The following ESRRG variants were observed in gnomAD, a reference collection of about 807,000 sequenced individuals.
ESRRG encodes estrogen related receptor gamma.
ESRRG carries 13 observed loss-of-function variants against 44.0 expected under a neutral mutation model. The ratio of observed to expected loss-of-function variants is 0.30; its 90% confidence interval spans 0.19 to 0.47. The LOEUF is 0.47. ESRRG is among the 20% of genes least tolerant of loss of function. The pLI is 1.00. For synonymous variants in ESRRG, 215 were observed against 214.6 expected, an observed-to-expected ratio of 1.00 and a Z score of -0.02; for missense variants, 395 against 580.6, an observed-to-expected ratio of 0.68 and a Z score of 3.29.
intron 2 of ESRRG, among the ~76,000 whole-genome samples, chr1:216,672,204 C>T (rs963132529): frequency 4.6e-5 from 7 of 152,180 alleles, no homozygotes; most frequent in African/African-American, 1.7e-4. Flanking sequence ...CACTGTAACC[C>T]TATTGGATGA....
At chr1:217,081,221 C>CTTTTTTT (rs143325476) in intron 1 of ESRRG, among the ~76,000 whole-genome samples, 2,415 of 70,406 alleles carry the variant, frequency 0.034, 430 homozygotes, top group African/African-American at 0.039. Flanking sequence ...TAAAAATATT[C>CTTTTTTT]TTTTTTTTTT....
chr1:216,864,002 CCTCT>C (rs1362812485), intron 2 of ESRRG: 4 of 152,112 alleles, frequency 2.6e-5, no homozygotes, highest in Non-Finnish European at 5.9e-5. Context: ...CTTCCCTGAT[CCTCT>C]CTAAGTTACA....
chr1:216,701,596 A>G (rs1489635982), intron 1 of ESRRG: 1 of 152,250 alleles, frequency 6.6e-6, no homozygotes, highest in Non-Finnish European at 1.5e-5. Flanking sequence ...GACATCCCAA[A>G]ACAAAAGATC....
At chr1:216,535,537 G>C (rs2050681756) in intron 5 of ESRRG, among the ~76,000 whole-genome samples, 1 of 152,088 alleles carries the variant, frequency 6.6e-6, no homozygotes, top group Non-Finnish European at 1.5e-5. Flanking sequence ...CTTGTCTGTA[G>C]CAGGACTAAT....
intron 1 of ESRRG, among the ~76,000 whole-genome samples, chr1:217,108,698 C>T (rs1390480030): frequency 6.6e-6 from 1 of 151,956 alleles, no homozygotes; most frequent in Admixed American, 6.6e-5. Context: ...TGTGCCTACT[C>T]CCTCTTCTCC....
At chr1:216,600,787 T>C (rs1401795036) in intron 3 of ESRRG, among the ~76,000 whole-genome samples, 3 of 152,304 alleles carry the variant, frequency 2.0e-5, no homozygotes. Flanking sequence ...TTTCCGGATG[T>C]AATTCCGTGT....
chr1:216,948,039 T>C (rs1410829398), intron 1 of ESRRG, among the ~76,000 whole-genome samples: 1 of 146,636 alleles, frequency 6.8e-6, no homozygotes, highest in Non-Finnish European at 1.5e-5. Flanking sequence ...AAATCATCAC[T>C]TGAAAGAGAC....
intron 1 of ESRRG, among the ~76,000 whole-genome samples, chr1:217,127,500 T>A (rs1161754478): frequency 6.6e-6 from 1 of 152,236 alleles, no homozygotes; most frequent in African/African-American, 2.4e-5. Context: ...AGAAGTCTAA[T>A]GCATAATAGG....
chr1:216,880,767 G>A lies in ESRRG; in HGVS notation c.-14+58815C>T, dbSNP rs1297816146. Among the ~76,000 whole-genome samples, 7 of 152,040 alleles carry A rather than the reference G, an allele frequency of 4.6e-5. No individual in the cohort carries two copies. In the South Asian group the frequency reaches 1.5e-3, roughly 32 times the overall value. ...CAGGAAAGTATATTAAGGAATATGA[G>A]GTATGAATCCACAAATGAGAAAAAT... is the stretch of plus-strand genomic sequence containing the variant. On this transcript the variant is annotated intron_variant, in intron 2 of 7. Transcript: ENST00000359162.
At chr1:216,737,890 G>T (rs1449882595) in intron 2 of ESRRG, among the ~76,000 whole-genome samples, 1 of 151,554 alleles carries the variant, frequency 6.6e-6, no homozygotes, top group South Asian at 2.1e-4. Flanking sequence ...GAAAATATTC[G>T]TCCTTACATA....
upstream of ESRRG, among the ~76,000 whole-genome samples, chr1:217,091,336 G>A (rs546543569): frequency 2.4e-4 from 37 of 152,286 alleles, no homozygotes; most frequent in Non-Finnish European, 3.8e-4. Context: ...AAGCACAGCC[G>A]ATTGAGAGAA....
chr1:216,828,418 C>T (rs932296754), intron 2 of ESRRG, among the ~76,000 whole-genome samples: 3 of 152,036 alleles, frequency 2.0e-5, no homozygotes, highest in Non-Finnish European at 4.4e-5. Flanking sequence ...GGAAGGAGAC[C>T]AGGTTTCATA....
intron 5 of ESRRG, among the ~76,000 whole-genome samples, chr1:216,523,380 C>A (rs1209095182): frequency 2.6e-5 from 4 of 152,122 alleles, no homozygotes; most frequent in Admixed American, 2.6e-4. Context: ...GAGGCAGGTA[C>A]CCCTGAGGTA....
At chr1:216,910,135 G>C (rs1261153806) in intron 2 of ESRRG, among the ~76,000 whole-genome samples, 1 of 151,886 alleles carries the variant, frequency 6.6e-6, no homozygotes, top group Non-Finnish European at 1.5e-5. Flanking sequence ...GAAAAAAATT[G>C]TCAAGTAATA....
chr1:216,842,134 A>G (rs115842426), intron 2 of ESRRG, among the ~76,000 whole-genome samples: 2,660 of 152,302 alleles, frequency 0.017, 84 homozygotes, highest in African/African-American at 0.061. Context: ...TCCAACAACC[A>G]AAGATCATTT....
At chr1:216,967,436 T>C (rs2070685760) in intron 1 of ESRRG, among the ~76,000 whole-genome samples, 1 of 152,190 alleles carries the variant, frequency 6.6e-6, no homozygotes, top group Non-Finnish European at 1.5e-5. Context: ...TTTTTTACTG[T>C]CTCCATAGGA....
At chr1:216,712,195 T>G (rs56102915) in intron 1 of ESRRG, among the ~76,000 whole-genome samples, 2,915 of 152,312 alleles carry the variant, frequency 0.019, 92 homozygotes, top group African/African-American at 0.066. Context: ...AAATGAAGTT[T>G]TTTGCATGTA....
intron 1 of ESRRG, among the ~76,000 whole-genome samples, chr1:217,129,623 A>C (rs2092938057): frequency 6.6e-6 from 1 of 152,250 alleles, no homozygotes; most frequent in Non-Finnish European, 1.5e-5. Flanking sequence ...AAGAGGGATG[A>C]AGAACTGACT....
At chr1:217,014,912 T>G (rs2079120352) in intron 1 of ESRRG, among the ~76,000 whole-genome samples, 2 of 152,176 alleles carry the variant, frequency 1.3e-5, no homozygotes, top group Admixed American at 6.5e-5. Context: ...AAATCTTCTA[T>G]TTCTCAGGTT....
Sources: gnomAD v4.1 joint callset for allele counts (sites outside exome capture counted in the v4.1 genomes callset) on GRCh38, gnomAD v4.1.1 for gene constraint, MANE v1.5 for transcripts, NCBI Gene and HGNC (gene_info 2026-07-23, HGNC 2026-07-21) for gene names.